Variants in ALKBH8 observed in about 807,000 individuals in gnomAD.
ALKBH8 encodes alkB homolog 8, tRNA methyltransferase, also known as tRNA (carboxymethyluridine(34)-5-O)-methyltransferase ALKBH8.
A neutral mutation model predicts 59.8 loss-of-function variants in ALKBH8; 36 were observed. The observed-to-expected ratio is 0.60, with a 90% confidence interval of 0.46 to 0.79. The LOEUF (loss-of-function observed/expected upper bound fraction) is 0.79, where lower values mean the gene tolerates loss of function less well. Ranked by LOEUF, ALKBH8 falls within the 30% of genes least tolerant of loss-of-function variation. The probability of loss-of-function intolerance (pLI) is 0.00; values close to 1 mark genes in which losing one functional copy is unlikely to be tolerated. For synonymous variants in ALKBH8, 276 were observed against 273.6 expected (o/e 1.01, Z -0.09); for missense variants, 768 against 801.0 (o/e 0.96, Z 0.50).
In ALKBH8 at chr11:107,514,926, CA is replaced by C. The variant is rs1047675187; in HGVS notation, c.1288-3891del. Among the ~76,000 whole-genome samples, 58 of 152,212 alleles carry C rather than the reference CA, an allele frequency of 3.8e-4. No homozygotes were observed. In the East Asian group the frequency reaches 5.4e-3, roughly 14 times the overall value. ...CAGAACATGGAGAACAACAGCCAAA[CA>C]AAACAAGAGATTTCCCTCTCCTTGC... On this transcript the variant is annotated intron_variant, in intron 10 of 11. Transcript: ENST00000428149.
At position 107,553,285 on chromosome 11, in the gene ALKBH8, G is replaced by C. The variant is rs1001864141; in HGVS notation, c.500-82C>G. The C allele has an allele frequency of 1.1e-5, 10 of 886,862 alleles. No homozygotes were observed. The African/African-American group carries it at 1.6e-4, about 14-fold the overall frequency. The allele number at this position is 886,862 out of a possible 1,614,324, so 54.9% of individuals were successfully genotyped here. A position where few individuals can be genotyped will look rare whatever the true frequency, so the allele number is the denominator to read the frequency against. On this transcript the variant is annotated intron_variant, in intron 4 of 11. Transcript: ENST00000428149. ...ATATTTCAGTCAACTTTTTGAGTAA[G>C]GATTAGTTTAGTAATGGCAACTTCT...
In ALKBH8 at chr11:107,553,110, C is replaced by G. The variant is rs770292890; in HGVS notation, c.593G>C (p.Gly198Ala). ...ATTATGTATTAGCAATTACTTACCCCCAGATAATGGCTTATCTTTATCTAC... is the reference window on the plus strand; with the variant it reads ...ATTATGTATTAGCAATTACTTACCCGCAGATAATGGCTTATCTTTATCTAC... The part of the protein sequence containing the change: ...NNVDKDKPLS[G>A]GLPDICESFL... The change falls in exon 5 of 12, where the codon GGG becomes GCG. Residue 198 changes from glycine to alanine, a missense_variant and splice_region_variant. By Grantham distance (60) the Gly-to-Ala change is moderately conservative. Transcript: ENST00000428149. 6.4e-7 allele frequency: 1 copy of G among 1,573,054 alleles called. No homozygotes were observed. The highest frequency in any genetic ancestry group is 8.7e-7 in the Non-Finnish European group (1 of 1,152,986).
intron 7 of ALKBH8, among the ~76,000 whole-genome samples, chr11:107,548,026 C>A (rs979610360): frequency 6.6e-6 from 1 of 152,168 alleles, no homozygotes; most frequent in Non-Finnish European, 1.5e-5. Flanking sequence ...AGGGAACTTC[C>A]CTAGGAATAA....
chr11:107,551,270 G>A (rs1185227280), intron 6 of ALKBH8, among the ~76,000 whole-genome samples: 1 of 152,224 alleles, frequency 6.6e-6, no homozygotes, highest in Non-Finnish European at 1.5e-5. Context: ...ACAGTGATTT[G>A]TATCAGTGTG....
At chr11:107,553,751 A>AT in intron 4 of ALKBH8, 96 bp downstream of exon 4, 1 of 1,361,912 alleles carries the variant, frequency 7.3e-7, no homozygotes. Context: ...AGTTTCAGTA[A>AT]TTTTGAGGAA....
intron 7 of ALKBH8, among the ~76,000 whole-genome samples, chr11:107,543,476 TAACC>T (rs1411460635): frequency 6.6e-6 from 1 of 152,244 alleles, no homozygotes; most frequent in Admixed American, 6.5e-5. Context: ...AACATCCATT[TAACC>T]AACCAACATG....
rs188523089 is a variant in ALKBH8, at chr11:107,522,548, C to T, written c.1038G>A (p.Pro346=). 3.9e-5 allele frequency: 61 copies of T among 1,550,590 alleles called. 1 individual carries two copies. The highest frequency in any genetic ancestry group is 1.2e-4 in the South Asian group (10 of 83,954). The change falls in exon 10 of 12, where the codon CCG becomes CCA. Residue 346 remains proline (P), a synonymous_variant. Transcript: ENST00000428149. ...VRQTPCNCSY[P]LVCDSQRKET... ...CTTTCCTCTGGCTATCACAGACCAA[C>T]GGGTAACCTTAATGAAAAAGCAATA...
At chr11:107,550,721 G>A (rs1180181087) in intron 6 of ALKBH8, among the ~76,000 whole-genome samples, 2 of 152,134 alleles carry the variant, frequency 1.3e-5, no homozygotes, top group African/African-American at 2.4e-5. Context: ...CATAACTCCT[G>A]CCGTTAATAA....
At chr11:107,514,288 T>C (rs1026335887) in intron 10 of ALKBH8, among the ~76,000 whole-genome samples, 8 of 152,142 alleles carry the variant, frequency 5.3e-5, no homozygotes, top group Non-Finnish European at 1.2e-4. Context: ...CATTACAGAG[T>C]TTATGTTATA....
At chr11:107,513,315 A>G (rs1862719606) in intron 10 of ALKBH8, among the ~76,000 whole-genome samples, 1 of 152,218 alleles carries the variant, frequency 6.6e-6, no homozygotes. Flanking sequence ...ATCAGTAATC[A>G]TTAGAGAAAT....
intron 6 of ALKBH8, 150 bp from the exon 7 acceptor site, chr11:107,549,973 GTGA>G: frequency 3.6e-6 from 2 of 549,706 alleles, no homozygotes; most frequent in South Asian, 5.6e-5. Flanking sequence ...AACATTTAGG[GTGA>G]ATGTGACTAA....
Position 107,504,457 on chromosome 11 carries a change from G to A in ALKBH8, c.*201C>T, listed in dbSNP as rs182428109. ...ACCACCTCTCCTAGGGAAGTAGGAG[G>A]AGCCAACACCACATCTGTGATGTCA... On this transcript the variant is annotated 3_prime_UTR_variant, in exon 12 of 12. Transcript: ENST00000428149. 2,665 of 696,954 alleles carry A rather than the reference G, an allele frequency of 3.8e-3. 16 individuals are homozygous for A. Among genetic ancestry groups the A allele is most frequent in the Non-Finnish European group, 5.4e-3 (2,140 of 397,812 alleles). The allele number at this position is 696,954 out of a possible 1,614,324, so 43.2% of individuals were successfully genotyped here.
At chr11:107,547,381 T>A (rs1251874470) in intron 7 of ALKBH8, among the ~76,000 whole-genome samples, 1 of 152,190 alleles carries the variant, frequency 6.6e-6, no homozygotes, top group Non-Finnish European at 1.5e-5. Context: ...ATCCTACTTC[T>A]AGGCTGTGGG....
intron 10 of ALKBH8, among the ~76,000 whole-genome samples, chr11:107,518,449 C>T (rs1167097058): frequency 6.6e-6 from 1 of 152,170 alleles, no homozygotes; most frequent in Non-Finnish European, 1.5e-5. Context: ...AAACTGGCCC[C>T]AAAACTGGCC....
At chr11:107,533,621 G>A (rs528253402) in intron 7 of ALKBH8, among the ~76,000 whole-genome samples, 5 of 151,998 alleles carry the variant, frequency 3.3e-5, no homozygotes, top group South Asian at 2.1e-4. Context: ...TCGAAACACC[G>A]GAGATTAATT....
chr11:107,525,637 A>G, intron 8 of ALKBH8, 45 bp from the exon 9 acceptor site: 1 of 1,278,846 alleles, frequency 7.8e-7, no homozygotes. Context: ...TGTATTAATA[A>G]AAATATTTCA....
intron 8 of ALKBH8, among the ~76,000 whole-genome samples, chr11:107,528,414 A>G (rs1440257290): frequency 1.3e-5 from 2 of 152,154 alleles, no homozygotes; most frequent in African/African-American, 2.4e-5. Context: ...GGCTCTTTTT[A>G]AAAAGCTTGT....
chr11:107,527,354 A>G (rs1336190366), intron 8 of ALKBH8, among the ~76,000 whole-genome samples: 3 of 151,972 alleles, frequency 2.0e-5, no homozygotes, highest in Non-Finnish European at 4.4e-5. Context: ...TTATATAAAA[A>G]TATAATTTTT....
Position 107,553,983 on chromosome 11 carries a change from G to A in ALKBH8, c.368-5C>T, listed in dbSNP as rs79011605. The stretch of plus-strand genomic sequence containing the variant: ...GCCTCAACTCCTTCCACTGCACTAT[G>A]GGAAACCAAATTAAAATAGTCACAT... On this transcript the variant is annotated splice_polypyrimidine_tract_variant and splice_region_variant and intron_variant, in intron 3 of 11. Coordinates refer to ENST00000428149, the MANE Select transcript of ALKBH8 (RefSeq NM_138775.3). 3,484 of 1,612,786 alleles carry A rather than the reference G, an allele frequency of 2.2e-3. 61 individuals are homozygous for A. In the African/African-American group the frequency reaches 0.039, roughly 18 times the overall value.
Sources: gnomAD v4.1 joint callset for allele counts (sites outside exome capture counted in the v4.1 genomes callset) on GRCh38, gnomAD v4.1.1 for gene constraint, MANE v1.5 for transcripts, NCBI Gene and HGNC (gene_info 2026-07-23, HGNC 2026-07-21) for gene names.